Variants in MCM5 observed in about 807,000 individuals in gnomAD.
The protein encoded by MCM5 is DNA replication licensing factor MCM5.
Under a neutral mutation model 79.9 loss-of-function variants are expected in MCM5, and 46 were observed. The ratio of observed to expected loss-of-function variants is 0.58; its 90% CI spans 0.45 to 0.74. MCM5 has a LOEUF of 0.74. Ranked by LOEUF, MCM5 falls within the 30% of genes least tolerant of loss-of-function variation. The pLI, the probability that MCM5 is intolerant of heterozygous loss-of-function variation, is 0.00. For synonymous variants in MCM5, 404 were observed against 390.5 expected (o/e 1.03, Z -0.41); for missense variants, 883 against 1,017.0 (o/e 0.87, Z 1.79).
chr22:35,437,899 C>G, the MCM5 span, among the ~76,000 whole-genome samples: 2 of 152,166 alleles, frequency 1.3e-5, no homozygotes, highest in East Asian at 3.9e-4. Flanking sequence ...CCTATTTTTT[C>G]ACATTTTAGT....
chr22:35,418,644 A>G (rs1569069446), intron 13 of MCM5, among the ~76,000 whole-genome samples: 1 of 148,150 alleles, frequency 6.7e-6, no homozygotes, highest in Non-Finnish European at 1.5e-5. Flanking sequence ...TGGGCAACAG[A>G]GTGAGACTCT....
At chr22:35,412,943 C>T (rs917593570) in intron 8 of MCM5, among the ~76,000 whole-genome samples, 5 of 152,078 alleles carry the variant, frequency 3.3e-5, no homozygotes, top group Non-Finnish European at 5.9e-5. Context: ...AGCTTAGGGT[C>T]GTGTAGGTAC....
chr22:35,428,008 GCTCT>G (rs570616906), downstream of MCM5, among the ~76,000 whole-genome samples: 31 of 140,002 alleles, frequency 2.2e-4, no homozygotes, highest in African/African-American at 7.2e-4. Context: ...GACCCCCATC[GCTCT>G]CTCTCTCTCT....
At position 35,416,829 on chromosome 22, in the gene MCM5, A is replaced by G; in HGVS notation, c.1590+15A>G. ...AGAGGGATGTGGTACGTCCAGGGGCAGGGCTGGTGGCCATGGGACCTGCCT... is the reference window on the plus strand; with the variant it reads ...AGAGGGATGTGGTACGTCCAGGGGCGGGGCTGGTGGCCATGGGACCTGCCT... On this transcript the variant is annotated intron_variant, in intron 12 of 16. Transcript: ENST00000216122. The G allele has an allele frequency of 6.2e-7, 1 of 1,610,460 alleles. No homozygotes were observed. Among genetic ancestry groups the G allele is most frequent in the South Asian group, 1.1e-5 (1 of 90,992 alleles).
At chr22:35,412,771 C>G in intron 8 of MCM5, 90 bp downstream of exon 8, 2 of 1,144,756 alleles carry the variant, frequency 1.7e-6, no homozygotes, top group Non-Finnish European at 2.3e-6. Flanking sequence ...ACTGGGCACT[C>G]TTTTTTGTAT....
At position 35,424,663 on chromosome 22, in the gene MCM5, C is replaced by T. The variant is rs1339097843; in HGVS notation, c.*408C>T. 6.2e-6 allele frequency: 1 copy of T among 160,858 alleles called. No individual in the cohort carries two copies. The highest frequency in any genetic ancestry group is 1.4e-5 in the Non-Finnish European group (1 of 73,956). 10.0% of individuals were successfully genotyped at this position (160,858 alleles called of 1,614,324 possible). ...TCACGTGACTTGAGTGCTCCGGTTT[C>T]TTCATCTGTTTAGCGGGGCTCATAA... On this transcript the variant is annotated 3_prime_UTR_variant, in exon 17 of 17. Transcript: ENST00000216122.
rs1248417508 is a variant in MCM5 at position 35,410,908 on chromosome 22, C to G, written c.917C>G (p.Ser306Cys). 4 of 1,594,456 alleles carry G rather than the reference C, an allele frequency of 2.5e-6. No homozygotes were observed. The South Asian group carries it at 3.4e-5, about 13-fold the overall frequency. Residue 306 changes from serine to cysteine, a missense_variant and splice_region_variant, in exon 7 of 17, where the codon TCT (serine) becomes TGT (cysteine). Physicochemically the swap from Ser to Cys is moderately radical, Grantham distance 112. This residue lies in a region of MCM5 where 455 missense variants were observed against 517.5 expected (regional missense o/e 0.88). Transcript: ENST00000216122. ...GGCATCCAGGTGGACACAGATGGCT[C>G]TGGTGAGTTGGCTTTGGGGTCCTGG... is the stretch of plus-strand genomic sequence containing the variant. ...VLGIQVDTDG[S>C]GRSFAGAVSP...
At chr22:35,426,427 G>T (rs133436), downstream of MCM5, among the ~76,000 whole-genome samples, 23 of 151,922 alleles carry the variant, frequency 1.5e-4, no homozygotes, top group Non-Finnish European at 2.1e-4. Flanking sequence ...GTGGGGCAAG[G>T]GGGGGAGCTG....
chr22:35,416,379 A>G lies in MCM5; in HGVS notation c.1388A>G (p.Glu463Gly), dbSNP rs1932540352. ...CGTGTGGCAATCCACGAAGCCATGGAGCAGCAGACCATCTCTATCGCCAAG... is the reference window on the plus strand; with the variant it reads ...CGTGTGGCAATCCACGAAGCCATGGGGCAGCAGACCATCTCTATCGCCAAG... ...DDRVAIHEAMEQQTISIAKAG... is the reference protein window; with the variant it reads ...DDRVAIHEAMGQQTISIAKAG... Residue 463 changes from glutamate (E) to glycine (G), a missense_variant, in exon 11 of 17, where the codon GAG becomes GGG. By Grantham distance (98) the Glu-to-Gly change is moderately conservative (BLOSUM62 -2). Around this residue, in one of 3 missense-constraint regions of MCM5, gnomAD observed 426 missense variants for 482.3 expected, o/e 0.88. Transcript: ENST00000216122. The G allele has an allele frequency of 3.7e-6, 6 of 1,613,042 alleles. No individual in the cohort carries two copies. Among genetic ancestry groups the G allele is most frequent in the Non-Finnish European group, 5.1e-6 (6 of 1,180,008 alleles).
intron 8 of MCM5, among the ~76,000 whole-genome samples, chr22:35,413,102 G>A (rs955098143): frequency 1.3e-5 from 2 of 152,012 alleles, no homozygotes; most frequent in Non-Finnish European, 2.9e-5. Context: ...GAGTGCAGTG[G>A]TGTGATCTCG....
At chr22:35,404,529 A>G (rs1365734970) in intron 4 of MCM5, among the ~76,000 whole-genome samples, 1 of 111,122 alleles carries the variant, frequency 9.0e-6, no homozygotes, top group African/African-American at 3.1e-5. Flanking sequence ...CAAAGGCCTG[A>G]CTGTGTTTCG....
At chr22:35,412,904 G>C (rs1932428678) in intron 8 of MCM5, among the ~76,000 whole-genome samples, 1 of 152,196 alleles carries the variant, frequency 6.6e-6, no homozygotes, top group Non-Finnish European at 1.5e-5. Context: ...GGAGACTGGG[G>C]GCCTGGCAAG....
intron 9 of MCM5, 122 bp from the exon 10 acceptor site, chr22:35,415,707 T>A: frequency 8.9e-7 from 1 of 1,121,406 alleles, no homozygotes; most frequent in Non-Finnish European, 1.3e-6. Context: ...TCCTATTCTG[T>A]ACCCTGCAGC....
At chr22:35,435,178 G>C in the MCM5 span, among the ~76,000 whole-genome samples, 1 of 152,166 alleles carries the variant, frequency 6.6e-6, no homozygotes, top group East Asian at 1.9e-4. Context: ...TGAGGAGGAG[G>C]CTGGGAGGCA....
chr22:35,409,472 G>A (rs1932313874), intron 6 of MCM5: 1 of 152,290 alleles, frequency 6.6e-6, no homozygotes, highest in African/African-American at 2.4e-5. Context: ...TACTTGGGAG[G>A]CTGAGGTGGG....
chr22:35,420,204 T>C (rs1027268030), intron 14 of MCM5, among the ~76,000 whole-genome samples, 192 bp downstream of exon 14: 1 of 152,228 alleles, frequency 6.6e-6, no homozygotes, highest in Non-Finnish European at 1.5e-5. Context: ...GTTTCTTGAT[T>C]TAAGGCCGGG....
At chr22:35,402,105 G>C (rs1403014297) in intron 2 of MCM5, among the ~76,000 whole-genome samples, 1 of 152,166 alleles carries the variant, frequency 6.6e-6, no homozygotes, top group Non-Finnish European at 1.5e-5. Context: ...CACATGGGAT[G>C]CTCTGCTAAG....
At chr22:35,421,531 C>A in intron 15 of MCM5, 71 bp downstream of exon 15, 1 of 1,596,662 alleles carries the variant, frequency 6.3e-7, no homozygotes, top group Non-Finnish European at 8.6e-7. Context: ...GGGCAGGGCT[C>A]TGGCCTGCTG....
At chr22:35,411,564 G>C (rs1932385296) in intron 7 of MCM5, 1 of 152,304 alleles carries the variant, frequency 6.6e-6, no homozygotes, top group Non-Finnish European at 1.5e-5. Context: ...AAGAGGCCTT[G>C]AGTGCCGAGA....
Sources: gnomAD v4.1 joint callset for allele counts (sites outside exome capture counted in the v4.1 genomes callset) on GRCh38, gnomAD v4.1.1 for gene constraint, gnomAD v4.1.1 regional missense constraint, MANE v1.5 for transcripts, NCBI Gene and HGNC (gene_info 2026-07-23, HGNC 2026-07-21) for gene names.